Variants in ZNF638 observed in about 807,000 individuals in gnomAD.
ZNF638 encodes the protein CTCL tumor antigen se33-1.
Under a neutral mutation model 195.6 loss-of-function variants are expected in ZNF638, and 46 were observed. The ratio of observed to expected loss-of-function variants is 0.24; its 90% confidence interval spans 0.19 to 0.30. The LOEUF (loss-of-function observed/expected upper bound fraction) is 0.30, where lower values mean the gene tolerates loss of function less well. Among genes scored for constraint, ZNF638 ranks in the 10% least tolerant of loss-of-function variants. The probability of loss-of-function intolerance (pLI) is 1.00; values close to 1 mark genes in which losing one functional copy is unlikely to be tolerated. For missense variants in ZNF638, 2,440 were observed against 2,325.3 expected (o/e 1.05, Z -1.01); for synonymous variants, 845 against 772.0 (o/e 1.09, Z -1.57).
rs746405478 is a variant in ZNF638, at chr2:71,396,151, A to G, written c.2388A>G (p.Gly796=). The change falls in exon 11 of 28, where the codon GGA becomes GGG. Residue 796 remains glycine, a synonymous_variant. Transcript: ENST00000264447. ...IVTSTSAAKT[G]QAKASVAKVN... ...TTCTTGTTGTTTTAGCCAAAACTGG[A>G]CAAGCCAAGGCATCTGTAGCCAAAG... 10 of 1,613,214 alleles carry G rather than the reference A, an allele frequency of 6.2e-6. No individual in the cohort carries two copies. The highest frequency in any genetic ancestry group is 8.5e-6 in the Non-Finnish European group (10 of 1,179,790).
At chr2:71,377,757 G>A (rs1254757729) in intron 8 of ZNF638, among the ~76,000 whole-genome samples, 1 of 152,202 alleles carries the variant, frequency 6.6e-6, no homozygotes, top group Admixed American at 6.5e-5. Context: ...CTGTACATAA[G>A]TGGAATTCCA....
chr2:71,355,646 T>G, intron 2 of ZNF638, 73 bp from the exon 3 acceptor site: 1 of 1,039,070 alleles, frequency 9.6e-7, no homozygotes, highest in Non-Finnish European at 1.4e-6. Context: ...ATTATTTGTC[T>G]TTTTTAAAAG....
At chr2:71,403,239 AATAG>A (rs1229292340) in intron 16 of ZNF638, among the ~76,000 whole-genome samples, 4 of 152,182 alleles carry the variant, frequency 2.6e-5, no homozygotes, top group South Asian at 2.1e-4. Flanking sequence ...AACTACAATA[AATAG>A]ATAAACAACC....
chr2:71,389,535 C>T (rs2079725403), intron 10 of ZNF638, among the ~76,000 whole-genome samples: 2 of 152,090 alleles, frequency 1.3e-5, no homozygotes, highest in South Asian at 4.1e-4. Context: ...AACAACAAGC[C>T]AACCAGAATC....
chr2:71,333,562 A>G (rs544904840), intron 1 of ZNF638, among the ~76,000 whole-genome samples: 3 of 152,340 alleles, frequency 2.0e-5, no homozygotes, highest in Non-Finnish European at 2.9e-5. Flanking sequence ...GTACTTGACT[A>G]TCTTAGGGTT....
chr2:71,334,632 T>C (rs2078631468), intron 1 of ZNF638: 1 of 152,258 alleles, frequency 6.6e-6, no homozygotes, highest in Non-Finnish European at 1.5e-5. Context: ...ACTGTAATAA[T>C]GCGGGTGAGG....
intron 2 of ZNF638, among the ~76,000 whole-genome samples, 152 bp from the exon 3 acceptor site, chr2:71,355,563 TTTTG>T (rs1269043026): frequency 1.3e-5 from 2 of 152,350 alleles, no homozygotes; most frequent in East Asian, 1.9e-4. Flanking sequence ...GGCCTTTAAT[TTTTG>T]TTTGTGAAAA....
At chr2:71,388,607 T>C in intron 10 of ZNF638, 2 of 792,634 alleles carry the variant, frequency 2.5e-6, no homozygotes, top group South Asian at 2.7e-5. Context: ...ACTTTTTTCA[T>C]CCGTCGCTCG....
intron 10 of ZNF638, 110 bp from the exon 11 acceptor site, chr2:71,396,031 G>A (rs1261702018): frequency 2.2e-6 from 2 of 906,772 alleles, no homozygotes; most frequent in Non-Finnish European, 3.6e-6. Context: ...GATGAGTATA[G>A]GGCTGTTTCT....
chr2:71,424,011 C>T lies in ZNF638; in HGVS notation c.4497C>T (p.Ile1499=), dbSNP rs1303806219. Residue 1499 remains isoleucine, a synonymous_variant, in exon 22 of 28, where the codon ATC becomes ATT. Coordinates refer to ENST00000264447, the MANE Select transcript of ZNF638 (RefSeq NM_014497.5). The part of the protein sequence containing the change: ...QSQETEARPS[I]MKRDDSNNKT... ...AGGAAACAGAGGCTAGACCTTCCAT[C>T]ATGAAACGGGATGACAGCAACAATA... 2 of 1,613,786 alleles carry T rather than the reference C, an allele frequency of 1.2e-6. No individual in the cohort carries two copies. The highest frequency in any genetic ancestry group is 1.7e-6 in the Non-Finnish European group (2 of 1,179,830).
intron 21 of ZNF638, among the ~76,000 whole-genome samples, chr2:71,421,854 T>C (rs180797736): frequency 4.6e-4 from 70 of 152,338 alleles, no homozygotes; most frequent in Middle Eastern, 3.4e-3. Context: ...TTTTCCTTGT[T>C]CTTCAAGAAA....
At position 71,391,557 on chromosome 2, in the gene ZNF638, C is replaced by T. The variant is rs146010718; in HGVS notation, c.2378-4584C>T. ...TACTTTTGAGTTTATATGCCTCTGT[C>T]GTTAAGATGTTAATCATAGCACCTG... is the stretch of plus-strand genomic sequence containing the variant. On this transcript the variant is annotated intron_variant, in intron 10 of 27. Transcript: ENST00000264447. Among the ~76,000 whole-genome samples the T allele has an allele frequency of 3.7e-4, 57 of 152,266 alleles. No individual in the cohort carries two copies. In the East Asian group the frequency reaches 8.9e-3, roughly 24 times the overall value.
At chr2:71,368,640 A>G in intron 7 of ZNF638, 112 bp downstream of exon 7, 1 of 1,153,654 alleles carries the variant, frequency 8.7e-7, no homozygotes, top group South Asian at 1.4e-5. Flanking sequence ...TTGTTCTTTG[A>G]GAGTTATATA....
At chr2:71,390,233 T>G (rs1052462596) in intron 10 of ZNF638, among the ~76,000 whole-genome samples, 1 of 152,210 alleles carries the variant, frequency 6.6e-6, no homozygotes, top group Non-Finnish European at 1.5e-5. Context: ...TGCTCCAAAC[T>G]TGGGCAATGC....
chr2:71,365,689 G>T lies in ZNF638; in HGVS notation c.1978G>T (p.Val660Phe). The change falls in exon 6 of 28, where the codon GTT becomes TTT. Residue 660 changes from valine to phenylalanine, a missense_variant. This residue lies in a region of ZNF638 where 1,883 missense variants were observed against 1,739.1 expected (regional missense o/e 1.08). Coordinates refer to ENST00000264447, the MANE Select transcript of ZNF638 (RefSeq NM_014497.5). ...SECKQVSDKA[V>F]SLQRKLRKEQ... ...ATGTAAACAGGTGTCTGATAAAGCT[G>T]TTTCTCTCCAGCGAAAGGTAATTCT... The T allele has an allele frequency of 1.2e-6, 2 of 1,609,890 alleles. No homozygotes were observed. Among genetic ancestry groups the T allele is most frequent in the East Asian group, 2.2e-5 (1 of 44,838 alleles).
chr2:71,347,965 G>T (rs1006539594), intron 1 of ZNF638, among the ~76,000 whole-genome samples: 19 of 152,280 alleles, frequency 1.2e-4, no homozygotes, highest in Admixed American at 1.2e-3. Context: ...ACTGTTGTGA[G>T]CATCAAATGA....
intron 1 of ZNF638, chr2:71,333,092 GT>G (rs1345894612): frequency 6.6e-6 from 1 of 152,186 alleles, no homozygotes; most frequent in Non-Finnish European, 1.5e-5. Flanking sequence ...ATTTAAGGAA[GT>G]TTTCGGAGAA....
chr2:71,394,608 CCAGT>C lies in ZNF638; in HGVS notation c.2378-1528_2378-1525del, dbSNP rs1274780256. Among the ~76,000 whole-genome samples, 63 of 152,122 alleles carry C rather than the reference CCAGT, an allele frequency of 4.1e-4. 1 individual carries two copies. Among genetic ancestry groups the C allele is most frequent in the Non-Finnish European group, 2.9e-5 (2 of 68,020 alleles). ...AAGGAGACAATCTGAGGCATTCCTA[CCAGT>C]CAGTTTGATACACGATTGGCAAGGT... On this transcript the variant is annotated intron_variant, in intron 10 of 27. Coordinates refer to ENST00000264447, the MANE Select transcript of ZNF638 (RefSeq NM_014497.5).
rs1039298195 is a variant in ZNF638, at chr2:71,395,253, A to G, written c.2378-888A>G. 1.8e-5 allele frequency: 13 copies of G among 717,242 alleles called. No individual in the cohort carries two copies. The African/African-American group carries it at 2.1e-4, about 12-fold the overall frequency. 44.4% of individuals were successfully genotyped at this position (717,242 alleles called of 1,614,324 possible). A position where few individuals can be genotyped will look rare whatever the true frequency, so the allele number is the denominator to read the frequency against. On this transcript the variant is annotated intron_variant, in intron 10 of 27. Transcript: ENST00000264447. Reference sequence around the variant, plus strand: ...TGTTATTTACTAATTCTAGGATGCAAAGCCGGAATACGAGCAGTAATCGCT... The same window carrying G: ...TGTTATTTACTAATTCTAGGATGCAGAGCCGGAATACGAGCAGTAATCGCT...
Sources: gnomAD v4.1 joint callset for allele counts (sites outside exome capture counted in the v4.1 genomes callset) on GRCh38, gnomAD v4.1.1 for gene constraint, gnomAD v4.1.1 regional missense constraint, MANE v1.5 for transcripts, NCBI Gene and HGNC (gene_info 2026-07-23, HGNC 2026-07-21) for gene names.